DLGAP1: variants seen among roughly 807,000 people sequenced by gnomAD.
The protein encoded by DLGAP1 is disks large-associated protein 1.
DLGAP1 carries 11 observed loss-of-function variants against 90.8 expected under a neutral mutation model. The ratio of observed to expected loss-of-function variants is 0.12; its 90% CI spans 0.08 to 0.20. The LOEUF is 0.20. Ranked by LOEUF, DLGAP1 falls within the 10% of genes least tolerant of loss-of-function variation. The pLI is 1.00. For missense variants in DLGAP1, 1,050 were observed against 1,333.8 expected (o/e 0.79, Z 3.31); for synonymous variants, 558 against 540.7 (o/e 1.03, Z -0.44).
intron 1 of DLGAP1, among the ~76,000 whole-genome samples, chr18:4,343,633 A>G (rs1167867940): frequency 6.6e-6 from 1 of 151,370 alleles, no homozygotes; most frequent in Non-Finnish European, 1.5e-5. Context: ...GGAACATCAC[A>G]CACTGGTGCC....
At position 4,312,671 on chromosome 18, in the gene DLGAP1, T is replaced by C. The variant is rs940591327; in HGVS notation, c.-267+142335A>G. Among the ~76,000 whole-genome samples the C allele has an allele frequency of 4.3e-4, 65 of 152,236 alleles. 1 individual carries two copies. The highest frequency in any genetic ancestry group is 1.0e-4 in the Non-Finnish European group (7 of 68,044). Reference sequence around the variant, plus strand: ...AATTTCTGACTAAAACTATTAAACATAATTGTAGCATTTTATCATTACATT... The same window carrying C: ...AATTTCTGACTAAAACTATTAAACACAATTGTAGCATTTTATCATTACATT... On this transcript the variant is annotated intron_variant, in intron 1 of 12. Transcript: ENST00000315677.
In DLGAP1 at chr18:4,354,887, C is replaced by CAAAAAAAAA. The variant is rs60379984; in HGVS notation, c.-267+100110_-267+100118dup. On this transcript the variant is annotated intron_variant, in intron 1 of 12. Coordinates refer to ENST00000315677, the MANE Select transcript of DLGAP1 (RefSeq NM_004746.4). ...TGGCTTTTTCTGCAATTACTCTCAC[C>CAAAAAAAAA]AAAAAAAAAAAAAAAAAAAAAAAAA... Among the ~76,000 whole-genome samples, 145 of 23,874 alleles carry CAAAAAAAAA rather than the reference C, an allele frequency of 6.1e-3. 40 individuals carry two copies. Among genetic ancestry groups the CAAAAAAAAA allele is most frequent in the East Asian group, 0.014 (7 of 506 alleles). The allele number at this position is 23,874 out of a possible 152,430, so 15.7% of individuals were successfully genotyped here. A position where few individuals can be genotyped will look rare whatever the true frequency, so the allele number is the denominator to read the frequency against.
intron 1 of DLGAP1, among the ~76,000 whole-genome samples, chr18:4,278,753 C>T (rs925592824): frequency 9.0e-6 from 1 of 111,086 alleles, no homozygotes; most frequent in African/African-American, 7.4e-5. Context: ...GTTATACACA[C>T]ACACACACAT....
intron 7 of DLGAP1, among the ~76,000 whole-genome samples, chr18:3,703,547 G>C (rs1355603132): frequency 2.0e-5 from 3 of 152,366 alleles, no homozygotes; most frequent in Non-Finnish European, 2.9e-5. Flanking sequence ...TGTGTGTTCA[G>C]AGGAGAGCGA....
chr18:4,021,756 G>C (rs2074613750), intron 2 of DLGAP1, among the ~76,000 whole-genome samples: 1 of 152,030 alleles, frequency 6.6e-6, no homozygotes, highest in African/African-American at 2.4e-5. Flanking sequence ...GGGCCACCAT[G>C]CCAGGCTAAT....
intron 9 of DLGAP1, among the ~76,000 whole-genome samples, chr18:3,567,070 ATCAT>A (rs57674058): frequency 1.3e-5 from 2 of 150,924 alleles, no homozygotes; most frequent in South Asian, 2.1e-4. Context: ...TCATTCATTC[ATCAT>A]TCATTCATTC....
At chr18:3,713,120 C>T (rs898659385) in intron 7 of DLGAP1, among the ~76,000 whole-genome samples, 18 of 152,208 alleles carry the variant, frequency 1.2e-4, no homozygotes, top group Non-Finnish European at 2.4e-4. Context: ...GACCCTGAAC[C>T]ACCAACAAGT....
chr18:4,221,958 T>C (rs1175609025), intron 1 of DLGAP1, among the ~76,000 whole-genome samples: 1 of 152,188 alleles, frequency 6.6e-6, no homozygotes, highest in Non-Finnish European at 1.5e-5. Flanking sequence ...TCTTGCATCT[T>C]TGAACACGAA....
At chr18:4,231,618 A>AT (rs1408465215) in intron 1 of DLGAP1, among the ~76,000 whole-genome samples, 76 of 148,402 alleles carry the variant, frequency 5.1e-4, no homozygotes, top group Middle Eastern at 3.5e-3. Context: ...TTTCAGTTCT[A>AT]TTTTTTTTTT....
At chr18:4,091,622 A>G (rs929688268) in intron 2 of DLGAP1, among the ~76,000 whole-genome samples, 12 of 152,094 alleles carry the variant, frequency 7.9e-5, no homozygotes, top group African/African-American at 2.9e-4. Context: ...AAGTTCATTG[A>G]TTCTTTCCAC....
At chr18:3,910,126 G>A (rs773484126) in intron 3 of DLGAP1, among the ~76,000 whole-genome samples, 2 of 149,326 alleles carry the variant, frequency 1.3e-5, no homozygotes, top group Non-Finnish European at 3.0e-5. Context: ...ACCTGCTGTC[G>A]GCTATCTAGT....
At chr18:3,608,623 C>T (rs112105077) in intron 7 of DLGAP1, among the ~76,000 whole-genome samples, 6 of 152,172 alleles carry the variant, frequency 3.9e-5, no homozygotes, top group African/African-American at 1.4e-4. Flanking sequence ...ACTGAAGGAG[C>T]AAGAAGGTCA....
At chr18:4,116,484 A>C (rs2076065888) in intron 2 of DLGAP1, among the ~76,000 whole-genome samples, 2 of 151,952 alleles carry the variant, frequency 1.3e-5, no homozygotes, top group South Asian at 4.1e-4. Flanking sequence ...ATTATGCATA[A>C]ACTGGTACAC....
At chr18:4,128,017 A>T (rs1213811507) in intron 2 of DLGAP1, among the ~76,000 whole-genome samples, 1 of 152,160 alleles carries the variant, frequency 6.6e-6, no homozygotes, top group East Asian at 1.9e-4. Flanking sequence ...TTTTTATGGG[A>T]TATTTCTTCC....
chr18:4,176,438 T>C (rs978869430), intron 1 of DLGAP1, among the ~76,000 whole-genome samples: 2 of 152,212 alleles, frequency 1.3e-5, no homozygotes, highest in African/African-American at 4.8e-5. Flanking sequence ...TGTATATTTT[T>C]AATGGACCAA....
At chr18:3,647,067 G>T (rs544776197) in intron 7 of DLGAP1, among the ~76,000 whole-genome samples, 16 of 152,084 alleles carry the variant, frequency 1.1e-4, no homozygotes, top group African/African-American at 3.9e-4. Context: ...TGACCAACAC[G>T]GTGAAACCCT....
chr18:3,764,221 T>C (rs79980379), intron 5 of DLGAP1, among the ~76,000 whole-genome samples: 3,067 of 152,284 alleles, frequency 0.02, 57 homozygotes, highest in Middle Eastern at 0.085. Context: ...AACTCAAAAT[T>C]GAAAGCTGGT....
chr18:4,437,399 A>G (rs2083426669), intron 1 of DLGAP1, among the ~76,000 whole-genome samples: 1 of 152,238 alleles, frequency 6.6e-6, no homozygotes, highest in Non-Finnish European at 1.5e-5. Context: ...GACCTCCTGT[A>G]GATACCAAAA....
At chr18:3,785,318 G>A (rs1172579693) in intron 5 of DLGAP1, among the ~76,000 whole-genome samples, 1 of 152,186 alleles carries the variant, frequency 6.6e-6, no homozygotes, top group African/African-American at 2.4e-5. Context: ...GGGACAGCCT[G>A]TTCCTTTGCT....
Sources: allele counts gnomAD v4.1 joint callset (sites outside exome capture counted in the v4.1 genomes callset), GRCh38; gene constraint gnomAD v4.1.1; transcripts MANE v1.5; gene names NCBI Gene and HGNC (gene_info 2026-07-23, HGNC 2026-07-21).